The following CCSER1 variants were observed in gnomAD, a reference collection of about 807,000 sequenced individuals.
The protein encoded by CCSER1 is serine-rich coiled-coil domain-containing protein 1.
CCSER1 carries 41 observed loss-of-function variants against 82.0 expected under a neutral mutation model. The observed-to-expected ratio is 0.50, with a 90% CI of 0.39 to 0.65. The LOEUF (loss-of-function observed/expected upper bound fraction) is 0.65. Among genes scored for constraint, CCSER1 ranks in the 30% least tolerant of loss-of-function variants. CCSER1 has a pLI of 0.00. For synonymous variants in CCSER1, 414 were observed against 383.9 expected (o/e 1.08, Z -0.92); for missense variants, 1,119 against 1,064.2 (o/e 1.05, Z -0.72).
intron 1 of CCSER1, among the ~76,000 whole-genome samples, chr4:90,275,126 T>C (rs1344302401): frequency 1.3e-5 from 2 of 152,156 alleles, no homozygotes; most frequent in Admixed American, 6.6e-5. Flanking sequence ...CCTGGGTAGA[T>C]AGAAATTCAT....
At chr4:91,158,149 T>G (rs926727116) in intron 10 of CCSER1, among the ~76,000 whole-genome samples, 1 of 151,984 alleles carries the variant, frequency 6.6e-6, no homozygotes, top group African/African-American at 2.4e-5. Context: ...TGCTTCTCAC[T>G]CAAAGCAGGA....
At chr4:90,498,790 A>G (rs973601299) in intron 5 of CCSER1, among the ~76,000 whole-genome samples, 1 of 152,154 alleles carries the variant, frequency 6.6e-6, no homozygotes, top group African/African-American at 2.4e-5. Context: ...TAGAAAAGAA[A>G]TTCTTTATAT....
intron 10 of CCSER1, among the ~76,000 whole-genome samples, chr4:91,467,049 A>T (rs1327843104): frequency 6.6e-6 from 1 of 152,176 alleles, no homozygotes; most frequent in Non-Finnish European, 1.5e-5. Context: ...CATTGCCAAG[A>T]CAATCCTAAG....
At chr4:91,027,323 A>G (rs971055456) in intron 9 of CCSER1, among the ~76,000 whole-genome samples, 5 of 152,008 alleles carry the variant, frequency 3.3e-5, no homozygotes, top group African/African-American at 1.2e-4. Context: ...ATAATCACAT[A>G]AGTAATGACT....
At chr4:91,090,173 A>G (rs993356003) in intron 10 of CCSER1, among the ~76,000 whole-genome samples, 2 of 152,120 alleles carry the variant, frequency 1.3e-5, no homozygotes, top group African/African-American at 2.4e-5. Flanking sequence ...ACCTATGGCT[A>G]TGCTTCATTT....
At chr4:90,757,933 C>CTTTTTTTTTTT (rs200053849) in intron 7 of CCSER1, among the ~76,000 whole-genome samples, 2 of 136,490 alleles carry the variant, frequency 1.5e-5, no homozygotes, top group Non-Finnish European at 1.6e-5. Flanking sequence ...GTTTCCTTTT[C>CTTTTTTTTTTT]TTTTTTTTTT....
chr4:90,718,315 T>C (rs1742019726), intron 6 of CCSER1, among the ~76,000 whole-genome samples: 1 of 152,102 alleles, frequency 6.6e-6, no homozygotes, highest in African/African-American at 2.4e-5. Flanking sequence ...ACTCAGAAGA[T>C]TTCAGCCCAA....
intron 10 of CCSER1, among the ~76,000 whole-genome samples, chr4:91,249,308 C>A (rs1009797114): frequency 3.3e-5 from 5 of 152,126 alleles, no homozygotes; most frequent in Admixed American, 1.3e-4. Flanking sequence ...AGTCCTTTTT[C>A]TTTTCCCAAT....
intron 10 of CCSER1, among the ~76,000 whole-genome samples, chr4:91,159,866 A>T (rs1731201303): frequency 6.6e-6 from 1 of 151,960 alleles, no homozygotes; most frequent in African/African-American, 2.4e-5. Flanking sequence ...TAAATATATT[A>T]TGAAATCATG....
chr4:90,951,759 A>G (rs1482230780), intron 9 of CCSER1, among the ~76,000 whole-genome samples: 1 of 152,088 alleles, frequency 6.6e-6, no homozygotes, highest in East Asian at 1.9e-4. Context: ...GGTAATTGTG[A>G]TTTATTCTGA....
intron 5 of CCSER1, among the ~76,000 whole-genome samples, chr4:90,480,965 G>T (rs955097663): frequency 6.6e-6 from 1 of 152,110 alleles, no homozygotes; most frequent in African/African-American, 2.4e-5. Context: ...AAATTAGTTT[G>T]GGCAGTATGG....
intron 8 of CCSER1, among the ~76,000 whole-genome samples, chr4:90,863,869 A>G (rs1765397509): frequency 6.6e-6 from 1 of 151,802 alleles, no homozygotes; most frequent in Non-Finnish European, 1.5e-5. Context: ...CACCAACAAA[A>G]GCCCTTTAGC....
chr4:90,705,958 C>T (rs942669765), intron 6 of CCSER1, among the ~76,000 whole-genome samples: 3 of 152,198 alleles, frequency 2.0e-5, no homozygotes, highest in Non-Finnish European at 4.4e-5. Context: ...TCAGCTTACG[C>T]TTGTTGGACT....
intron 5 of CCSER1, among the ~76,000 whole-genome samples, chr4:90,531,774 C>T (rs938117638): frequency 2.0e-5 from 3 of 152,236 alleles, no homozygotes; most frequent in African/African-American, 7.2e-5. Flanking sequence ...CGCATGCATA[C>T]ATACACATAT....
At chr4:90,899,030 T>G (rs1580989623) in intron 8 of CCSER1, among the ~76,000 whole-genome samples, 1 of 152,096 alleles carries the variant, frequency 6.6e-6, no homozygotes, top group South Asian at 2.1e-4. Flanking sequence ...TAGATTTTTT[T>G]GGGATGTGTA....
intron 10 of CCSER1, among the ~76,000 whole-genome samples, chr4:91,153,671 C>A (rs977401966): frequency 9.2e-5 from 14 of 151,896 alleles, no homozygotes; most frequent in Admixed American, 5.9e-4. Context: ...ATGATTGTGA[C>A]ATACCGATGG....
intron 6 of CCSER1, among the ~76,000 whole-genome samples, chr4:90,712,087 C>CA (rs35729811): frequency 0.45 from 68,182 of 151,140 alleles, 16,022 homozygotes; most frequent in African/African-American, 0.58. Context: ...TAATTTTTTT[C>CA]AAAAAAGTAG....
chr4:90,718,404 G>C (rs1344961342), intron 6 of CCSER1, among the ~76,000 whole-genome samples: 3 of 151,808 alleles, frequency 2.0e-5, no homozygotes, highest in Non-Finnish European at 4.4e-5. Flanking sequence ...ATGCTTTCAG[G>C]GGAGGCATAA....
intron 10 of CCSER1, among the ~76,000 whole-genome samples, chr4:91,123,441 A>T (rs1360649760): frequency 2.0e-5 from 3 of 151,744 alleles, no homozygotes; most frequent in Non-Finnish European, 4.4e-5. Flanking sequence ...TTAATATTAA[A>T]AAAGATAGTC....
Sources: allele counts gnomAD v4.1 joint callset (sites outside exome capture counted in the v4.1 genomes callset), GRCh38; gene constraint gnomAD v4.1.1; transcripts MANE v1.5; gene names NCBI Gene and HGNC (gene_info 2026-07-23, HGNC 2026-07-21).